Variants in CCDC192 observed in about 807,000 individuals in gnomAD.
CCDC192 encodes coiled-coil domain containing 192.
intron 5 of CCDC192, among the ~76,000 whole-genome samples, chr5:127,806,671 G>C (rs549225663): frequency 2.0e-5 from 3 of 152,034 alleles, no homozygotes; most frequent in African/African-American, 7.2e-5. Context: ...AAATCGGATG[G>C]GAACAATGTA....
intron 3 of CCDC192, among the ~76,000 whole-genome samples, chr5:127,760,701 CAAAA>C (rs56177728): frequency 1.8e-5 from 1 of 54,942 alleles, no homozygotes; most frequent in Non-Finnish European, 3.5e-5. Flanking sequence ...GATTCTGTCT[CAAAA>C]AAAAAAAAAA....
At chr5:127,728,719 G>T (rs1396139298) in intron 2 of CCDC192, among the ~76,000 whole-genome samples, 1 of 152,058 alleles carries the variant, frequency 6.6e-6, no homozygotes, top group Non-Finnish European at 1.5e-5. Flanking sequence ...ATGTAAATAG[G>T]CTAAGTGCCC....
chr5:127,740,628 T>G (rs1047316765), intron 2 of CCDC192, among the ~76,000 whole-genome samples: 3 of 152,188 alleles, frequency 2.0e-5, no homozygotes, highest in African/African-American at 7.2e-5. Context: ...AATTTACCTA[T>G]TTAGAATCTA....
chr5:127,734,847 G>T (rs902423876), intron 2 of CCDC192, among the ~76,000 whole-genome samples: 2 of 151,656 alleles, frequency 1.3e-5, no homozygotes. Flanking sequence ...AGATGAGTAG[G>T]TTGCAAAAAT....
At chr5:127,752,371 C>A (rs1022381149) in intron 2 of CCDC192, among the ~76,000 whole-genome samples, 2 of 151,974 alleles carry the variant, frequency 1.3e-5, no homozygotes, top group Non-Finnish European at 2.9e-5. Context: ...AGTACCCTGC[C>A]GTGTGAGGTG....
intron 6 of CCDC192, among the ~76,000 whole-genome samples, chr5:127,933,450 A>G (rs1459446505): frequency 2.0e-5 from 3 of 152,214 alleles, no homozygotes. Flanking sequence ...CCTCAGACTG[A>G]GCATAAGAAG....
At chr5:127,875,802 T>A (rs1396782271) in intron 6 of CCDC192, 141 bp downstream of exon 6, 6 of 393,360 alleles carry the variant, frequency 1.5e-5, no homozygotes, top group African/African-American at 1.0e-4. Flanking sequence ...GCACATGAAC[T>A]ACTAACTCCA....
At chr5:127,757,901 G>C (rs1228868058) in intron 3 of CCDC192, among the ~76,000 whole-genome samples, 6 of 151,380 alleles carry the variant, frequency 4.0e-5, no homozygotes, top group African/African-American at 1.2e-4. Context: ...TTTTCTAAAT[G>C]TCATTAATTT....
intron 2 of CCDC192, among the ~76,000 whole-genome samples, chr5:127,751,788 A>G (rs1389701770): frequency 3.3e-5 from 5 of 152,124 alleles, no homozygotes; most frequent in Non-Finnish European, 5.9e-5. Flanking sequence ...ACATAGTCCC[A>G]TATTTCTTGG....
intron 6 of CCDC192, among the ~76,000 whole-genome samples, chr5:127,934,057 A>G (rs77412239): frequency 0.018 from 2,682 of 152,290 alleles, 93 homozygotes; most frequent in African/African-American, 0.06. Flanking sequence ...TGCTTCCTAC[A>G]TGGTCTCTCT....
intron 3 of CCDC192, among the ~76,000 whole-genome samples, chr5:127,768,584 T>G (rs1423331934): frequency 1.3e-5 from 2 of 152,342 alleles, no homozygotes; most frequent in Admixed American, 6.5e-5. Flanking sequence ...GCCACCCAGT[T>G]TGTGGTACTC....
intron 5 of CCDC192, among the ~76,000 whole-genome samples, chr5:127,867,622 CTGCGAGGTGTGACAG>C (rs1751668690): frequency 1.3e-5 from 2 of 152,220 alleles, no homozygotes; most frequent in African/African-American, 4.8e-5. Context: ...CTGCCAGGCA[CTGCGAGGTGTGACAG>C]TGCACTTCTC....
At chr5:127,824,585 A>G (rs1156496430) in intron 5 of CCDC192, among the ~76,000 whole-genome samples, 1 of 152,220 alleles carries the variant, frequency 6.6e-6, no homozygotes, top group Non-Finnish European at 1.5e-5. Context: ...ATGGAATTTC[A>G]CAGACCCAAG....
At chr5:127,810,394 A>G (rs1284999638) in intron 5 of CCDC192, among the ~76,000 whole-genome samples, 2 of 152,162 alleles carry the variant, frequency 1.3e-5, no homozygotes, top group African/African-American at 4.8e-5. Context: ...GAAAACTTCT[A>G]ACTGGTCATA....
intron 2 of CCDC192, among the ~76,000 whole-genome samples, chr5:127,719,576 T>TATATAC (rs1751886296): frequency 1.5e-4 from 18 of 117,156 alleles, no homozygotes; most frequent in African/African-American, 6.0e-4. Flanking sequence ...TACATATATA[T>TATATAC]ATATACCAAG....
chr5:127,876,251 C>T (rs546909322), intron 6 of CCDC192, among the ~76,000 whole-genome samples: 150 of 84,940 alleles, frequency 1.8e-3, no homozygotes, highest in African/African-American at 6.2e-3. Context: ...AAGCAAACAA[C>T]AAACAAAAAA....
intron 5 of CCDC192, among the ~76,000 whole-genome samples, chr5:127,808,079 T>C (rs1362381695): frequency 6.6e-6 from 1 of 152,214 alleles, no homozygotes; most frequent in East Asian, 1.9e-4. Flanking sequence ...ACCAGTAATG[T>C]TGCTGCTTCC....
chr5:127,807,639 AAATATCAAGAAAATC>A (rs1472577219), intron 5 of CCDC192, among the ~76,000 whole-genome samples: 1 of 152,114 alleles, frequency 6.6e-6, no homozygotes, highest in Non-Finnish European at 1.5e-5. Context: ...TCAATTCAAG[AAATATCAAGAAAATC>A]ATTTCCAAAA....
intron 6 of CCDC192, among the ~76,000 whole-genome samples, chr5:127,882,716 G>A (rs559050156): frequency 3.9e-5 from 6 of 152,290 alleles, no homozygotes; most frequent in South Asian, 2.1e-4. Flanking sequence ...AAGAAAGTGC[G>A]TTGGGCCTAA....
Sources: gnomAD v4.1 joint callset for allele counts (sites outside exome capture counted in the v4.1 genomes callset) on GRCh38, gnomAD v4.1.1 for gene constraint, MANE v1.5 for transcripts, NCBI Gene and HGNC (gene_info 2026-07-23, HGNC 2026-07-21) for gene names.